The following NCAPD2 variants were observed in gnomAD, a reference collection of about 807,000 sequenced individuals.
NCAPD2 encodes the protein condensin complex subunit 1.
In NCAPD2, 100 loss-of-function variants were observed where a neutral mutation model predicts 164.5. That is an observed-to-expected ratio of 0.61 (90% CI 0.52 to 0.72). The LOEUF (loss-of-function observed/expected upper bound fraction) is 0.72, where lower values mean the gene tolerates loss of function less well. Ranked by LOEUF, NCAPD2 falls within the 30% of genes least tolerant of loss-of-function variation. The pLI is 0.00. For missense variants in NCAPD2, 1,560 were observed against 1,749.2 expected, an observed-to-expected ratio of 0.89 and a Z score of 1.93; for synonymous variants, 585 against 642.6, an observed-to-expected ratio of 0.91 and a Z score of 1.36.
rs370621822 is a variant in NCAPD2 at position 6,523,444 on chromosome 12, C to G, written c.2214+98C>G. The G allele has an allele frequency of 1.1e-5, 11 of 1,026,726 alleles. No homozygotes were observed. The African/African-American group carries it at 1.8e-4, about 17-fold the overall frequency. 63.6% of individuals were successfully genotyped at this position (1,026,726 alleles called of 1,614,324 possible). On this transcript the variant is annotated intron_variant, in intron 17 of 31. Transcript: ENST00000315579. ...ACGGAGTCATGCCCCATTGCCCAGG[C>G]TGGAGTGCAATGGCACAATCTTGGC...
chr12:6,504,212 T>TATATATATATATATACAC (rs1946075081), intron 2 of NCAPD2, among the ~76,000 whole-genome samples: 2 of 21,734 alleles, frequency 9.2e-5, no homozygotes, highest in Non-Finnish European at 1.5e-4. Context: ...TATATATATA[T>TATATATATATATATACAC]ATATAGATAT....
At chr12:6,522,462 T>A (rs533231862) in intron 15 of NCAPD2, among the ~76,000 whole-genome samples, 4 of 152,188 alleles carry the variant, frequency 2.6e-5, no homozygotes, top group African/African-American at 9.6e-5. Flanking sequence ...GGCACGCACC[T>A]GTAGTTCCAG....
At chr12:6,510,305 TTGG>T in intron 4 of NCAPD2, 172 bp downstream of exon 4, 2 of 826,170 alleles carry the variant, frequency 2.4e-6, no homozygotes, top group South Asian at 2.7e-5. Flanking sequence ...GTCTGTAATC[TTGG>T]TGGGCGATAC....
At chr12:6,527,483 CTG>C (rs1235981360) in intron 22 of NCAPD2, among the ~76,000 whole-genome samples, 2 of 152,234 alleles carry the variant, frequency 1.3e-5, no homozygotes, top group African/African-American at 4.8e-5. Flanking sequence ...AGTCTGACCT[CTG>C]TGACTTTGAA....
chr12:6,528,943 A>G lies in NCAPD2; in HGVS notation c.3478-2A>G. The G allele has an allele frequency of 6.2e-7, 1 of 1,614,112 alleles. No homozygotes were observed. The highest frequency in any genetic ancestry group is 8.5e-7 in the Non-Finnish European group (1 of 1,179,986). On this transcript the variant is annotated splice_acceptor_variant, in intron 26 of 31. Transcript: ENST00000315579. LOFTEE classifies it high-confidence loss of function. This position sits in a 1 kb window ranked among gnomAD's most constrained non-coding sequence, Gnocchi z 5.1. Reference sequence around the variant, plus strand: ...CTTAACATGGCTCTCTCTGTCTTACAGGGCAACGCAATCTATAATCTCCTT... The same window carrying G: ...CTTAACATGGCTCTCTCTGTCTTACGGGGCAACGCAATCTATAATCTCCTT...
chr12:6,495,175 A>C lies in NCAPD2; in HGVS notation c.77A>C (p.Tyr26Ser). ...TTGAAAAGTGGAGGGGTGAATCAGTATGTTGTGCAAGAGGTACTGTCCATC... is the reference window on the plus strand; with the variant it reads ...TTGAAAAGTGGAGGGGTGAATCAGTCTGTTGTGCAAGAGGTACTGTCCATC... Reference protein sequence around the residue: ...ELLKSGGVNQYVVQEVLSIKH... With the variant: ...ELLKSGGVNQSVVQEVLSIKH... Residue 26 changes from tyrosine (Y) to serine (S), a missense_variant, in exon 2 of 32, where the codon TAT becomes TCT. Tyr to Ser is a moderately radical substitution (Grantham distance 144, BLOSUM62 -2). Coordinates refer to ENST00000315579, the MANE Select transcript of NCAPD2 (RefSeq NM_014865.4). The C allele has an allele frequency of 1.2e-6, 2 of 1,614,122 alleles. No individual in the cohort carries two copies. The highest frequency in any genetic ancestry group is 1.6e-4 in the Middle Eastern group (1 of 6,062).
intron 2 of NCAPD2, among the ~76,000 whole-genome samples, chr12:6,500,720 A>G (rs1228344316): frequency 6.6e-6 from 1 of 152,226 alleles, no homozygotes; most frequent in Non-Finnish European, 1.5e-5. Context: ...ACTGATCTCT[A>G]GAGCCTCGTA....
rs757787808 is a variant in NCAPD2 at position 6,525,681 on chromosome 12, C to T, written c.2313C>T (p.Arg771=). The change falls in exon 18 of 32, where the codon CGC becomes CGT. Residue 771 remains arginine (R), a synonymous_variant. Transcript: ENST00000315579. ...TEKVACCPLE[R]CSSVMLLGMM... ...AGGTCGCCTGCTGTCCTCTGGAGCGCTGTTCCTCTGTCATGCTTCTTGGCA... is the reference window on the plus strand; with the variant it reads ...AGGTCGCCTGCTGTCCTCTGGAGCGTTGTTCCTCTGTCATGCTTCTTGGCA... 1.2e-6 allele frequency: 2 copies of T among 1,613,780 alleles called. No individual in the cohort carries two copies. The highest frequency in any genetic ancestry group is 2.2e-5 in the South Asian group (2 of 91,068).
At chr12:6,526,393 T>A (rs971156916) in intron 20 of NCAPD2, 22 bp downstream of exon 20, 3 of 1,614,150 alleles carry the variant, frequency 1.9e-6, no homozygotes, top group East Asian at 2.2e-5. Context: ...GGGAAGGCCT[T>A]GGGCAGAATT....
chr12:6,510,719 A>G lies in NCAPD2; in HGVS notation c.353A>G (p.Lys118Arg). Residue 118 changes from lysine to arginine, a missense_variant, in exon 5 of 32, where the codon AAA (lysine) becomes AGA (arginine). By Grantham distance (26) the Lys-to-Arg change is conservative. Coordinates refer to ENST00000315579, the MANE Select transcript of NCAPD2 (RefSeq NM_014865.4). ...AGAAACGCCCATCTAAATGCCCTCA[A>G]AATGAACTGTTATGCTCTGATACGT... ...SDRNAHLNAL[K>R]MNCYALIRLL... 3.1e-6 allele frequency: 5 copies of G among 1,614,084 alleles called. No individual in the cohort carries two copies. Among genetic ancestry groups the G allele is most frequent in the East Asian group, 2.2e-5 (1 of 44,898 alleles).
At chr12:6,504,033 A>G (rs1047493492) in intron 2 of NCAPD2, among the ~76,000 whole-genome samples, 8 of 151,742 alleles carry the variant, frequency 5.3e-5, no homozygotes, top group Non-Finnish European at 8.8e-5. Flanking sequence ...AACACCTCCC[A>G]TTAGACTCCA....
chr12:6,530,834 G>GT lies in NCAPD2; in HGVS notation c.3964+18dup. The GT allele has an allele frequency of 6.2e-7, 1 of 1,614,198 alleles. No individual in the cohort carries two copies. The highest frequency in any genetic ancestry group is 8.5e-7 in the Non-Finnish European group (1 of 1,180,030). The stretch of plus-strand genomic sequence containing the variant: ...CATCCACTGGTACGTAAGGCAGCCT[G>GT]TGCGGGCGAGACCAGACTGGGCCCT... On this transcript the variant is annotated intron_variant, in intron 30 of 31. Coordinates refer to ENST00000315579, the MANE Select transcript of NCAPD2 (RefSeq NM_014865.4).
chr12:6,498,539 G>T (rs980143005), intron 2 of NCAPD2, among the ~76,000 whole-genome samples: 16 of 152,026 alleles, frequency 1.1e-4, no homozygotes, highest in Admixed American at 7.9e-4. Context: ...ATATACTATG[G>T]TTTTTTCCCT....
In NCAPD2 at chr12:6,514,864, G is replaced by A. The variant is rs761020034; in HGVS notation, c.931G>A (p.Val311Ile). 7.4e-6 allele frequency: 12 copies of A among 1,614,230 alleles called. No homozygotes were observed. Among genetic ancestry groups the A allele is most frequent in the East Asian group, 2.2e-5 (1 of 44,888 alleles). The change falls in exon 9 of 32, where the codon GTC becomes ATC. Residue 311 changes from valine (V) to isoleucine (I), a missense_variant. By Grantham distance (29) the Val-to-Ile change is conservative. Transcript: ENST00000315579. The stretch of plus-strand genomic sequence containing the variant: ...ATTCCTGACAGAACTAGCAGAACGT[G>A]TCCCAGCTATCCTGATGTCCAGCAT... ...AAFLTELAER[V>I]PAILMSSMCI...
intron 17 of NCAPD2, among the ~76,000 whole-genome samples, chr12:6,523,633 G>A (rs977285549): frequency 2.0e-5 from 3 of 152,010 alleles, no homozygotes; most frequent in South Asian, 2.1e-4. Flanking sequence ...CCTTGACCTC[G>A]TGATCCACCC....
At position 6,518,525 on chromosome 12, in the gene NCAPD2, T is replaced by TTTTTTTTG. The variant is rs1565544207; in HGVS notation, c.1589+573_1589+574insGTTTTTTT. Among the ~76,000 whole-genome samples the TTTTTTTTG allele has an allele frequency of 1.3e-3, 159 of 122,052 alleles. 5 individuals are homozygous for TTTTTTTTG. The highest frequency in any genetic ancestry group is 4.9e-3 in the African/African-American group (150 of 30,364). 80.1% of individuals were successfully genotyped at this position (122,052 alleles called of 152,430 possible). A position where few individuals can be genotyped will look rare whatever the true frequency, so the allele number is the denominator to read the frequency against. On this transcript the variant is annotated intron_variant, in intron 13 of 31. Coordinates refer to ENST00000315579, the MANE Select transcript of NCAPD2 (RefSeq NM_014865.4). Reference sequence around the variant, plus strand: ...ACAAGTTTTTTTTTTTTTTTTTTTTTTTTTTTTTTGAGATGGAGTCTCACT... The same window carrying TTTTTTTTG: ...ACAAGTTTTTTTTTTTTTTTTTTTTTTTTTTTTGTTTTTTTTTGAGATGGAGTCTCACT...
In NCAPD2 at chr12:6,526,349, A is replaced by G. The variant is rs1313927174; in HGVS notation, c.2544A>G (p.Arg848=). ...RLPQEHRLFE[R]LRETVTKGFV... Reference sequence around the variant, plus strand: ...CTCAGGAACACAGGTTGTTTGAGCGACTGCGGGAGACAGTCACAAAAGGTG... The same window carrying G: ...CTCAGGAACACAGGTTGTTTGAGCGGCTGCGGGAGACAGTCACAAAAGGTG... The change falls in exon 20 of 32, where the codon CGA becomes CGG. Residue 848 remains arginine (R), a synonymous_variant. Transcript: ENST00000315579. 1.2e-6 allele frequency: 2 copies of G among 1,614,128 alleles called. No individual in the cohort carries two copies. Among genetic ancestry groups the G allele is most frequent in the Admixed American group, 3.3e-5 (2 of 60,008 alleles).
intron 2 of NCAPD2, among the ~76,000 whole-genome samples, chr12:6,501,394 T>C (rs1159941812): frequency 6.6e-6 from 1 of 152,008 alleles, no homozygotes; most frequent in Non-Finnish European, 1.5e-5. Flanking sequence ...TGCCGTGTTG[T>C]CCAGTCTGGT....
chr12:6,514,966 A>G, intron 9 of NCAPD2, 46 bp downstream of exon 9: 1 of 1,608,022 alleles, frequency 6.2e-7, no homozygotes, highest in Non-Finnish European at 8.5e-7. Context: ...GGGGATTTTA[A>G]GTCCAGTGTT....
Sources: allele counts gnomAD v4.1 joint callset (sites outside exome capture counted in the v4.1 genomes callset), GRCh38; gene constraint gnomAD v4.1.1; non-coding constraint Gnocchi (gnomAD v3.1); transcripts MANE v1.5; gene names NCBI Gene and HGNC (gene_info 2026-07-23, HGNC 2026-07-21).